The following DNAH3 variants were observed in gnomAD, a reference collection of about 807,000 sequenced individuals.
DNAH3 encodes the protein dynein axonemal heavy chain 3, also known as axonemal beta dynein heavy chain 3.
A neutral mutation model predicts 432.5 loss-of-function variants in DNAH3; 332 were observed. That is an observed-to-expected ratio of 0.77 (90% CI 0.70 to 0.84). DNAH3 has a LOEUF of 0.84. Among genes scored for constraint, DNAH3 ranks in the 40% least tolerant of loss-of-function variants. The pLI is 0.00. For synonymous variants in DNAH3, 1,956 were observed against 1,900.2 expected (o/e 1.03, Z -0.76); for missense variants, 4,861 against 5,114.0 (o/e 0.95, Z 1.51).
chr16:21,062,490 T>C, exon 25 of DNAH3: 1 of 1,614,134 alleles, frequency 6.2e-7, no homozygotes. Context: ...ACCTTGGCAT[T>C]AGCTGGGTAG....
chr16:20,987,671 T>C (rs1382782453), intron 46 of DNAH3, 22 bp downstream of exon 46: 1 of 1,610,504 alleles, frequency 6.2e-7, no homozygotes, highest in Non-Finnish European at 8.5e-7. Flanking sequence ...ATGATCTTGG[T>C]AGTAAAATGA....
intron 2 of DNAH3, 39 bp from the exon 4 acceptor site, chr16:21,145,445 A>C: frequency 3.2e-6 from 5 of 1,549,344 alleles, no homozygotes; most frequent in Non-Finnish European, 4.5e-6. Flanking sequence ...ACAATGAGGA[A>C]CATCTCTCGA....
At chr16:21,087,859 C>T (rs558858736) in intron 18 of DNAH3, among the ~76,000 whole-genome samples, 2 of 152,250 alleles carry the variant, frequency 1.3e-5, no homozygotes, top group South Asian at 4.1e-4. Context: ...GATAGTGCCA[C>T]TGCCCTCCAG....
At chr16:21,141,120 CAGAGCAAGACTCCATCTCAAAAAAAA>C (rs1376549669) in intron 4 of DNAH3, among the ~76,000 whole-genome samples, 154 bp downstream of exon 5, 1 of 151,412 alleles carries the variant, frequency 6.6e-6, no homozygotes, top group Non-Finnish European at 1.5e-5. Flanking sequence ...GCCCGGGCAA[CAGAGCAAGACTCCATCTCAAAAAAAA>C]AAATTTTTTT....
chr16:21,083,236 G>C (rs113897658), intron 19 of DNAH3, among the ~76,000 whole-genome samples: 1 of 151,996 alleles, frequency 6.6e-6, no homozygotes, highest in Non-Finnish European at 1.5e-5. Flanking sequence ...GACTGCTCTC[G>C]AACTCCTGAC....
Position 21,041,776 on chromosome 16 carries a change from C to A in DNAH3, c.4638+251G>T, listed in dbSNP as rs111928836. Among the ~76,000 whole-genome samples, 521 of 152,266 alleles carry A rather than the reference C, an allele frequency of 3.4e-3. 2 individuals carry two copies. Among genetic ancestry groups the A allele is most frequent in the Non-Finnish European group, 4.1e-3 (280 of 68,012 alleles). On this transcript the variant is annotated intron_variant, in intron 32 of 61. Transcript: ENST00000261383. ...CTCTGCCTCCCACATTCAACTGATT[C>A]TTCTGCCTTAGCCTCCTGAGCAGCT...
At chr16:20,984,029 G>GAAAAAAAAAAAAAAAAAA (rs61475224) in intron 48 of DNAH3, among the ~76,000 whole-genome samples, 16 of 112,134 alleles carry the variant, frequency 1.4e-4, no homozygotes, top group African/African-American at 5.2e-4. Flanking sequence ...CCTATATCCA[G>GAAAAAAAAAAAAAAAAAA]AAAAAAAAAA....
At chr16:21,000,864 T>G (rs537286068) in intron 42 of DNAH3, among the ~76,000 whole-genome samples, 1 of 152,322 alleles carries the variant, frequency 6.6e-6, no homozygotes, top group African/African-American at 2.4e-5. Context: ...AATACCAGCT[T>G]GTCTGATTCC....
In DNAH3 at chr16:21,060,354, G is replaced by A. The variant is rs200054163; in HGVS notation, c.3723C>T (p.Gly1241=). Residue 1241 remains glycine, a splice_region_variant and synonymous_variant, in exon 26 of 62, where the codon GGC becomes GGT. Transcript: ENST00000261383. ...CCTGCTGGAGCCACTTTTCCACCAT[G>A]CCCTATGGAGCAAGACAGAGAGAGG... The A allele has an allele frequency of 5.0e-5, 80 of 1,613,158 alleles. 1 individual carries two copies. The East Asian group carries it at 1.7e-3, about 35-fold the overall frequency.
intron 49 of DNAH3, among the ~76,000 whole-genome samples, chr16:20,980,929 T>A (rs2085868300): frequency 6.6e-6 from 1 of 152,332 alleles, no homozygotes; most frequent in African/African-American, 2.4e-5. Flanking sequence ...GCCATTTTAG[T>A]GCAAAAACAG....
intron 49 of DNAH3, among the ~76,000 whole-genome samples, chr16:20,982,344 C>T (rs1434478413): frequency 6.6e-6 from 1 of 152,092 alleles, no homozygotes; most frequent in Non-Finnish European, 1.5e-5. Context: ...TGAGATTGCA[C>T]CAAGGAACTC....
intron 6 of DNAH3, among the ~76,000 whole-genome samples, chr16:21,135,315 G>C (rs369981089): frequency 6.6e-6 from 1 of 152,192 alleles, no homozygotes; most frequent in Admixed American, 6.5e-5. Context: ...ACAAATAGAA[G>C]TTTAAAGACC....
At chr16:21,053,156 C>T (rs112464748) in intron 28 of DNAH3, among the ~76,000 whole-genome samples, 43 of 152,212 alleles carry the variant, frequency 2.8e-4, no homozygotes, top group African/African-American at 1.0e-3. Context: ...GGGTTGCTTC[C>T]ATTGAGCCTT....
intron 41 of DNAH3, among the ~76,000 whole-genome samples, chr16:21,007,634 T>A (rs984962966): frequency 3.3e-5 from 5 of 152,232 alleles, no homozygotes; most frequent in African/African-American, 1.2e-4. Context: ...ACATAATTTG[T>A]AATAAATTTC....
intron 14 of DNAH3, among the ~76,000 whole-genome samples, chr16:21,108,131 C>A (rs992989590): frequency 6.6e-6 from 1 of 152,142 alleles, no homozygotes; most frequent in Non-Finnish European, 1.5e-5. Flanking sequence ...CTCGGCCTCC[C>A]AAAGTGCTGG....
chr16:20,998,641 A>G (rs2086869344), intron 43 of DNAH3, among the ~76,000 whole-genome samples: 1 of 149,226 alleles, frequency 6.7e-6, no homozygotes, highest in African/African-American at 2.5e-5. Context: ...CCAGTAGTAT[A>G]TTACTCAGTC....
chr16:21,111,789 T>C, exon 14 of DNAH3: 4 of 1,613,542 alleles, frequency 2.5e-6, no homozygotes, highest in Non-Finnish European at 3.4e-6. Context: ...CTCCGTTTCT[T>C]TATGGCATTG....
At chr16:20,971,193 CTTTT>C (rs551647826) in intron 51 of DNAH3, among the ~76,000 whole-genome samples, 1 of 147,332 alleles carries the variant, frequency 6.8e-6, no homozygotes, top group African/African-American at 2.5e-5. Flanking sequence ...TAACAAATCA[CTTTT>C]TTTTTTTCTT....
chr16:21,079,116 G>A (rs908465171), intron 20 of DNAH3, among the ~76,000 whole-genome samples: 4 of 152,208 alleles, frequency 2.6e-5, no homozygotes, highest in Non-Finnish European at 4.4e-5. Context: ...CTGGAGAGGG[G>A]TTTACTTTTT....
Sources: gnomAD v4.1 joint callset for allele counts (sites outside exome capture counted in the v4.1 genomes callset) on GRCh38, gnomAD v4.1.1 for gene constraint, MANE v1.5 for transcripts, NCBI Gene and HGNC (gene_info 2026-07-23, HGNC 2026-07-21) for gene names.